Variants in TULP4 observed in about 807,000 individuals in gnomAD.
TULP4 encodes the protein TUB like protein 4.
TULP4 carries 16 observed loss-of-function variants against 129.0 expected under a neutral mutation model. That is an observed-to-expected ratio of 0.12 (90% confidence interval 0.08 to 0.19). The LOEUF (loss-of-function observed/expected upper bound fraction) is 0.19, where lower values mean the gene tolerates loss of function less well. Among genes scored for constraint, TULP4 ranks in the 10% least tolerant of loss-of-function variants. The pLI is 1.00. For synonymous variants in TULP4, 998 were observed against 854.0 expected (o/e 1.17, Z -2.94); for missense variants, 1,842 against 2,059.1 (o/e 0.89, Z 2.04).
intron 1 of TULP4, among the ~76,000 whole-genome samples, chr6:158,288,578 G>T (rs1778870010): frequency 6.6e-6 from 1 of 151,666 alleles, no homozygotes; most frequent in Non-Finnish European, 1.5e-5. Context: ...TCGGCTCACT[G>T]CAAGCTCCGC....
At chr6:158,501,620 T>C in intron 12 of TULP4, 58 bp from the exon 13 acceptor site, 1 of 1,525,270 alleles carries the variant, frequency 6.6e-7, no homozygotes, top group Non-Finnish European at 9.0e-7. Flanking sequence ...TTGCTTATCC[T>C]GATCTGGTTT....
At chr6:158,461,027 A>G (rs1294325164) in intron 5 of TULP4, among the ~76,000 whole-genome samples, 1 of 152,250 alleles carries the variant, frequency 6.6e-6, no homozygotes, top group East Asian at 1.9e-4. Flanking sequence ...GTTGTGTTTC[A>G]GTAAACTACA....
At chr6:158,297,524 G>A (rs1779055730) in intron 1 of TULP4, among the ~76,000 whole-genome samples, 1 of 152,152 alleles carries the variant, frequency 6.6e-6, no homozygotes, top group African/African-American at 2.4e-5. Context: ...AGTATTATTA[G>A]GGAAGTGATA....
At chr6:158,383,817 G>A (rs1777379822) in intron 1 of TULP4, among the ~76,000 whole-genome samples, 1 of 152,234 alleles carries the variant, frequency 6.6e-6, no homozygotes, top group African/African-American at 2.4e-5. Flanking sequence ...TTTGTATTTG[G>A]TCTTTGCGAT....
At position 158,503,813 on chromosome 6, in the gene TULP4, G is replaced by GTGAAGAGTCAGAAAGACCAAC. The variant is rs1159622947; in HGVS notation, c.4156_4176dup (p.Gln1387_Ser1393dup). ...ACACCTGGGGAGAGAGAAGAAGAAA[G>GTGAAGAGTCAGAAAGACCAAC]TGAAGAGTCAGAAAGACCAACTGAA... On this transcript the variant is annotated inframe_insertion, in exon 13 of 14. Coordinates refer to ENST00000367097, the MANE Select transcript of TULP4 (RefSeq NM_020245.5). The surrounding 1 kb of genome is among the most constrained non-coding windows in gnomAD (Gnocchi z 4.3). The GTGAAGAGTCAGAAAGACCAAC allele has an allele frequency of 3.7e-6, 6 of 1,614,070 alleles. No homozygotes were observed. The South Asian group carries it at 6.6e-5, about 18-fold the overall frequency.
At chr6:158,307,846 T>A (rs1317485595), upstream of TULP4, among the ~76,000 whole-genome samples, 2 of 152,106 alleles carry the variant, frequency 1.3e-5, no homozygotes, top group Non-Finnish European at 2.9e-5. Context: ...CTTCCAAATA[T>A]TGATATATAA....
At chr6:158,397,560 T>A (rs1777746514) in intron 1 of TULP4, among the ~76,000 whole-genome samples, 1 of 151,984 alleles carries the variant, frequency 6.6e-6, no homozygotes, top group Non-Finnish European at 1.5e-5. Context: ...TTAGGTGTTT[T>A]GTTTGTTTGT....
At chr6:158,364,515 A>G (rs779856430) in intron 1 of TULP4, among the ~76,000 whole-genome samples, 1 of 151,588 alleles carries the variant, frequency 6.6e-6, no homozygotes, top group Non-Finnish European at 1.5e-5. Flanking sequence ...TTTCATCTTT[A>G]CTCTTCCTGG....
intron 1 of TULP4, among the ~76,000 whole-genome samples, chr6:158,406,464 A>G (rs892086672): frequency 2.0e-5 from 3 of 152,234 alleles, no homozygotes; most frequent in African/African-American, 7.2e-5. Flanking sequence ...GTGATTGAAC[A>G]TACTTTCCAG....
intron 1 of TULP4, among the ~76,000 whole-genome samples, chr6:158,323,822 C>T (rs1488270421): frequency 6.6e-6 from 1 of 152,146 alleles, no homozygotes; most frequent in Non-Finnish European, 1.5e-5. Flanking sequence ...ACAGTAAGTC[C>T]TCAATATTGT....
At chr6:158,403,271 C>G (rs944614317) in intron 1 of TULP4, among the ~76,000 whole-genome samples, 1 of 152,136 alleles carries the variant, frequency 6.6e-6, no homozygotes, top group Non-Finnish European at 1.5e-5. Flanking sequence ...TTCCCCTTCC[C>G]AAGCTGCAGT....
chr6:158,319,029 A>G (rs1240925057), intron 1 of TULP4, among the ~76,000 whole-genome samples: 1 of 151,818 alleles, frequency 6.6e-6, no homozygotes, highest in Non-Finnish European at 1.5e-5. Context: ...TATAGGTGAG[A>G]GCCACTGTGC....
At chr6:158,431,818 G>A (rs993270006) in intron 3 of TULP4, among the ~76,000 whole-genome samples, 1 of 152,128 alleles carries the variant, frequency 6.6e-6, no homozygotes, top group African/African-American at 2.4e-5. Flanking sequence ...AAGCATGGAG[G>A]CCATGCTGAC....
intron 1 of TULP4, among the ~76,000 whole-genome samples, chr6:158,364,614 G>A (rs1449115334): frequency 6.6e-6 from 1 of 152,154 alleles, no homozygotes; most frequent in Non-Finnish European, 1.5e-5. Flanking sequence ...CTGTTAAGAA[G>A]TCTGCTGCCA....
chr6:158,439,964 G>A (rs1778849021), intron 3 of TULP4, among the ~76,000 whole-genome samples: 1 of 151,740 alleles, frequency 6.6e-6, no homozygotes, highest in Non-Finnish European at 1.5e-5. Context: ...GCCCGCCTCA[G>A]CCTCCCAAAG....
chr6:158,502,788 G>A lies in TULP4; in HGVS notation c.3125G>A (p.Gly1042Asp), dbSNP rs141015776. 40 of 1,609,038 alleles carry A rather than the reference G, an allele frequency of 2.5e-5. No individual in the cohort carries two copies. Among genetic ancestry groups the A allele is most frequent in the Non-Finnish European group, 3.2e-5 (38 of 1,179,480 alleles). Residue 1042 changes from glycine (G) to aspartate (D), a missense_variant, in exon 13 of 14, where the codon GGC (glycine) becomes GAC (aspartate). Around this residue, in one of 5 missense-constraint regions of TULP4, gnomAD observed 1,089 missense variants for 987.1 expected, o/e 1.10. Transcript: ENST00000367097. ...PALYTCSQCS[G>D]TGPSSQPGAS... ...CTGTACACCTGCAGTCAGTGCAGTGGCACAGGGCCCAGCTCACAGCCCGGA... is the reference window on the plus strand; with the variant it reads ...CTGTACACCTGCAGTCAGTGCAGTGACACAGGGCCCAGCTCACAGCCCGGA...
intron 1 of TULP4, among the ~76,000 whole-genome samples, chr6:158,235,823 C>G (rs1268119678): frequency 6.6e-6 from 1 of 152,134 alleles, no homozygotes; most frequent in African/African-American, 2.4e-5. Context: ...ATCAGGAACT[C>G]TGATTAGAAG....
chr6:158,493,494 A>C lies in TULP4; in HGVS notation c.1632-79A>C. 2 of 1,361,672 alleles carry C rather than the reference A, an allele frequency of 1.5e-6. No homozygotes were observed. Among genetic ancestry groups the C allele is most frequent in the South Asian group, 2.0e-5 (1 of 49,156 alleles). 84.3% of individuals were successfully genotyped at this position (1,361,672 alleles called of 1,614,324 possible). A position where few individuals can be genotyped will look rare whatever the true frequency, so the allele number is the denominator to read the frequency against. On this transcript the variant is annotated intron_variant, in intron 9 of 13. Transcript: ENST00000367097. This position sits in a 1 kb window ranked among gnomAD's most constrained non-coding sequence, Gnocchi z 4.4. ...ACACCCAGGCTGGCTGTCCAGAAAA[A>C]GAAAGGACTGCTGGAGTCAGGGCCA...
In TULP4 at chr6:158,479,987, C is replaced by A. The variant is rs774071180; in HGVS notation, c.1251+12C>A. On this transcript the variant is annotated intron_variant, in intron 7 of 13. Transcript: ENST00000367097. Reference sequence around the variant, plus strand: ...TCCCCACCATCAAGGTAAAGCCCTCCACCCCTCCCTCTTCCTCCTCCCTCA... The same window carrying A: ...TCCCCACCATCAAGGTAAAGCCCTCAACCCCTCCCTCTTCCTCCTCCCTCA... 3.8e-6 allele frequency: 6 copies of A among 1,577,932 alleles called. No homozygotes were observed. The highest frequency in any genetic ancestry group is 3.5e-6 in the Non-Finnish European group (4 of 1,158,194).
Sources: allele counts gnomAD v4.1 joint callset (sites outside exome capture counted in the v4.1 genomes callset), GRCh38; gene constraint gnomAD v4.1.1; regional missense constraint gnomAD v4.1.1; non-coding constraint Gnocchi (gnomAD v3.1); transcripts MANE v1.5; gene names NCBI Gene and HGNC (gene_info 2026-07-23, HGNC 2026-07-21).